Variants in TAF4B observed in about 807,000 individuals in gnomAD.
TAF4B encodes the protein transcription initiation factor TFIID subunit 4B.
In TAF4B, 38 loss-of-function variants were observed where a neutral mutation model predicts 86.4. The ratio of observed to expected loss-of-function variants is 0.44; its 90% CI spans 0.34 to 0.58. TAF4B has a LOEUF of 0.58. Ranked by LOEUF, TAF4B falls within the 20% of genes least tolerant of loss-of-function variation. The pLI is 0.02. For missense variants in TAF4B, 988 were observed against 1,027.6 expected, an observed-to-expected ratio of 0.96 and a Z score of 0.53; for synonymous variants, 388 against 391.2, an observed-to-expected ratio of 0.99 and a Z score of 0.10.
intron 14 of TAF4B, among the ~76,000 whole-genome samples, chr18:26,364,737 G>A (rs1488290623): frequency 6.9e-6 from 1 of 144,004 alleles, no homozygotes; most frequent in Admixed American, 7.1e-5. Flanking sequence ...AAGTATTAAG[G>A]AATTTCAGCA....
At chr18:26,247,279 T>TG (rs962719215) in intron 1 of TAF4B, among the ~76,000 whole-genome samples, 1 of 152,218 alleles carries the variant, frequency 6.6e-6, no homozygotes, top group Non-Finnish European at 1.5e-5. Flanking sequence ...CACAGAATTC[T>TG]GGGGAACACC....
At chr18:26,322,201 A>G (rs1289113323) in intron 11 of TAF4B, among the ~76,000 whole-genome samples, 3 of 152,158 alleles carry the variant, frequency 2.0e-5, no homozygotes, top group African/African-American at 7.2e-5. Flanking sequence ...TCCTAGTCAA[A>G]GGTTAAAGGA....
rs981069763 is a variant in TAF4B, at chr18:26,275,131, A to C, written c.882+78A>C. 5 of 1,380,942 alleles carry C rather than the reference A, an allele frequency of 3.6e-6. No homozygotes were observed. The African/African-American group carries it at 4.4e-5, about 12-fold the overall frequency. The allele number at this position is 1,380,942 out of a possible 1,614,324, so 85.5% of individuals were successfully genotyped here. Reference sequence around the variant, plus strand: ...TGTAATTGGGAAATGCATATTTTTAAATGGGATTTATTTAATTTATTTATT... The same window carrying C: ...TGTAATTGGGAAATGCATATTTTTACATGGGATTTATTTAATTTATTTATT... On this transcript the variant is annotated intron_variant, in intron 5 of 14. Coordinates refer to ENST00000269142, the MANE Select transcript of TAF4B (RefSeq NM_005640.3).
In TAF4B at chr18:26,362,112, A is replaced by G. The variant is rs9950117; in HGVS notation, c.2421+4318A>G. Among the ~76,000 whole-genome samples the G allele has an allele frequency of 3.7e-3, 565 of 152,316 alleles. 3 individuals carry two copies. Among genetic ancestry groups the G allele is most frequent in the African/African-American group, 0.012 (507 of 41,576 alleles). On this transcript the variant is annotated intron_variant, in intron 14 of 14. Coordinates refer to ENST00000269142, the MANE Select transcript of TAF4B (RefSeq NM_005640.3). ...GCTTTGTGAGAAATCATCAGAGCAC[A>G]TGGGATAAGTATATGTGCTTTAGAC...
chr18:26,263,765 G>C (rs1176095928), intron 1 of TAF4B, among the ~76,000 whole-genome samples: 1 of 151,960 alleles, frequency 6.6e-6, no homozygotes, highest in African/African-American at 2.4e-5. Context: ...TCCCAGGCTG[G>C]AGTGTAGATG....
chr18:26,325,844 A>G (rs978501056), intron 11 of TAF4B, among the ~76,000 whole-genome samples: 3 of 152,220 alleles, frequency 2.0e-5, no homozygotes, highest in Non-Finnish European at 4.4e-5. Context: ...CATGAAGTAA[A>G]ATAAGTAGCA....
chr18:26,386,883 T>C (rs1431671332), intron 14 of TAF4B, among the ~76,000 whole-genome samples: 3 of 152,228 alleles, frequency 2.0e-5, no homozygotes, highest in African/African-American at 2.4e-5. Context: ...TCTGGGTGTT[T>C]ACATAGATGT....
intron 1 of TAF4B, among the ~76,000 whole-genome samples, chr18:26,247,624 G>A (rs2055945870): frequency 1.3e-5 from 2 of 152,132 alleles, no homozygotes; most frequent in African/African-American, 4.8e-5. Context: ...CTCACATCTT[G>A]TAATCCCAGC....
At chr18:26,251,245 C>G (rs2056002315) in intron 1 of TAF4B, among the ~76,000 whole-genome samples, 1 of 152,128 alleles carries the variant, frequency 6.6e-6, no homozygotes, top group Non-Finnish European at 1.5e-5. Context: ...ACAAAGAAAT[C>G]TGCGTTTTCC....
intron 14 of TAF4B, among the ~76,000 whole-genome samples, chr18:26,365,872 C>G (rs1462327197): frequency 1.3e-5 from 2 of 152,160 alleles, no homozygotes; most frequent in African/African-American, 4.8e-5. Context: ...TCACTGCAAC[C>G]TCCACCTCCC....
chr18:26,369,430 TGC>T (rs1488998305), intron 14 of TAF4B, among the ~76,000 whole-genome samples: 1 of 152,254 alleles, frequency 6.6e-6, no homozygotes, highest in African/African-American at 2.4e-5. Flanking sequence ...AAAGATGGTG[TGC>T]TGGACTTGTA....
chr18:26,370,883 A>G (rs990997420), intron 14 of TAF4B, among the ~76,000 whole-genome samples: 1 of 152,212 alleles, frequency 6.6e-6, no homozygotes, highest in Non-Finnish European at 1.5e-5. Flanking sequence ...AGTGAAATTG[A>G]GATAGATGAT....
intron 10 of TAF4B, among the ~76,000 whole-genome samples, chr18:26,320,027 A>G (rs1324330370): frequency 1.3e-5 from 2 of 152,204 alleles, no homozygotes; most frequent in Non-Finnish European, 2.9e-5. Flanking sequence ...GAAGTTGATT[A>G]ATTTTGTATC....
At chr18:26,284,596 G>C (rs2056487835) in intron 6 of TAF4B, among the ~76,000 whole-genome samples, 1 of 152,198 alleles carries the variant, frequency 6.6e-6, no homozygotes, top group Admixed American at 6.5e-5. Context: ...AAGTATGCTT[G>C]GCTGGGCGTG....
intron 3 of TAF4B, among the ~76,000 whole-genome samples, chr18:26,272,537 C>T (rs566982387): frequency 1.3e-5 from 2 of 152,216 alleles, no homozygotes; most frequent in African/African-American, 2.4e-5. Context: ...TAAATGCCCC[C>T]TCTACTTGTA....
At chr18:26,245,810 A>G (rs2055915121) in intron 1 of TAF4B, among the ~76,000 whole-genome samples, 1 of 152,226 alleles carries the variant, frequency 6.6e-6, no homozygotes, top group South Asian at 2.1e-4. Context: ...ATTAGTACCT[A>G]TAAATGCTTC....
At chr18:26,275,590 A>G (rs1002608916) in intron 5 of TAF4B, among the ~76,000 whole-genome samples, 9 of 152,238 alleles carry the variant, frequency 5.9e-5, no homozygotes, top group South Asian at 2.1e-4. Context: ...AAAAAATTGT[A>G]TATGTTTAAG....
At chr18:26,373,875 T>G (rs1175250936) in intron 14 of TAF4B, among the ~76,000 whole-genome samples, 1 of 152,202 alleles carries the variant, frequency 6.6e-6, no homozygotes, top group African/African-American at 2.4e-5. Context: ...AAGTTAGCTT[T>G]CTTTATCATA....
chr18:26,383,528 T>C (rs546867715), intron 14 of TAF4B, among the ~76,000 whole-genome samples: 6 of 152,314 alleles, frequency 3.9e-5, no homozygotes, highest in African/African-American at 9.6e-5. Context: ...GGGATACTTA[T>C]AATACATTCA....
Sources: allele counts gnomAD v4.1 joint callset (sites outside exome capture counted in the v4.1 genomes callset), GRCh38; gene constraint gnomAD v4.1.1; transcripts MANE v1.5; gene names NCBI Gene and HGNC (gene_info 2026-07-23, HGNC 2026-07-21).